DLGAP2: variants seen among roughly 807,000 people sequenced by gnomAD.
DLGAP2 encodes DLG associated protein 2, also known as disks large-associated protein 2.
Under a neutral mutation model 100.3 loss-of-function variants are expected in DLGAP2, and 26 were observed. The observed-to-expected ratio is 0.26, with a 90% CI of 0.19 to 0.36. The LOEUF (loss-of-function observed/expected upper bound fraction) is 0.36, where lower values mean the gene tolerates loss of function less well. DLGAP2 is among the 10% of genes least tolerant of loss of function. The pLI, the probability that DLGAP2 is intolerant of heterozygous loss-of-function variation, is 1.00. For missense variants in DLGAP2, 1,858 were observed against 1,453.2 expected, an observed-to-expected ratio of 1.28 and a Z score of -4.53; for synonymous variants, 886 against 630.1, an observed-to-expected ratio of 1.41 and a Z score of -6.08.
intron 2 of DLGAP2, chr8:1,019,267 T>C (rs936823949): frequency 6.6e-6 from 1 of 152,036 alleles, no homozygotes; most frequent in African/African-American, 2.4e-5. Context: ...TCTGCACCTC[T>C]TACTGTTGGG....
At chr8:1,147,007 C>T (rs886211262) in intron 2 of DLGAP2, among the ~76,000 whole-genome samples, 2 of 151,962 alleles carry the variant, frequency 1.3e-5, no homozygotes, top group African/African-American at 4.8e-5. Flanking sequence ...TTAAAATCTG[C>T]CTCTCAGTTT....
chr8:1,336,037 G>A (rs1259957708), intron 3 of DLGAP2, among the ~76,000 whole-genome samples: 1 of 152,232 alleles, frequency 6.6e-6, no homozygotes, highest in African/African-American at 2.4e-5. Context: ...AACTCTGAGC[G>A]GTGCTGGGCG....
At chr8:1,086,761 A>T (rs1428936601) in intron 2 of DLGAP2, among the ~76,000 whole-genome samples, 1 of 152,238 alleles carries the variant, frequency 6.6e-6, no homozygotes, top group African/African-American at 2.4e-5. Context: ...TATATAAAGT[A>T]AATGTGAAAA....
At chr8:831,483 G>C (rs1796782512) in intron 1 of DLGAP2, among the ~76,000 whole-genome samples, 2 of 152,034 alleles carry the variant, frequency 1.3e-5, no homozygotes, top group South Asian at 4.1e-4. Context: ...TTCTGTCCTT[G>C]TGATAGTTTG....
intron 4 of DLGAP2, among the ~76,000 whole-genome samples, chr8:1,534,329 G>C (rs1801082282): frequency 6.6e-6 from 1 of 152,156 alleles, no homozygotes; most frequent in South Asian, 2.1e-4. Context: ...AATGAGATTA[G>C]GTTTACAACT....
At chr8:868,672 TGAA>T (rs1273840638) in intron 1 of DLGAP2, among the ~76,000 whole-genome samples, 1 of 152,212 alleles carries the variant, frequency 6.6e-6, no homozygotes, top group East Asian at 1.9e-4. Flanking sequence ...CGCGGCACCT[TGAA>T]GAAGGTGCTG....
chr8:1,351,678 G>A lies in DLGAP2; in HGVS notation c.106+92795G>A, dbSNP rs571057369. Among the ~76,000 whole-genome samples the A allele has an allele frequency of 4.1e-5, 3 of 72,300 alleles. 1 individual carries two copies. The highest frequency in any genetic ancestry group is 3.1e-4 in the Admixed American group (2 of 6,490). The allele number at this position is 72,300 out of a possible 152,430, so 47.4% of individuals were successfully genotyped here. On this transcript the variant is annotated intron_variant, in intron 3 of 14. Coordinates refer to ENST00000637795, the MANE Select transcript of DLGAP2 (RefSeq NM_001346810.2). The stretch of plus-strand genomic sequence containing the variant: ...TGCGGGTCCTGACTGTGTGTGGAAC[G>A]GCCGTGTGGGTCCTGACTGTGCGTG...
chr8:1,080,193 A>C (rs1322584926), intron 2 of DLGAP2, among the ~76,000 whole-genome samples: 2 of 151,976 alleles, frequency 1.3e-5, no homozygotes, highest in East Asian at 3.9e-4. Context: ...TTGCATTTTT[A>C]TTTTCCACAA....
chr8:1,377,628 G>C (rs1019085949), intron 3 of DLGAP2, among the ~76,000 whole-genome samples: 1 of 152,216 alleles, frequency 6.6e-6, no homozygotes, highest in Non-Finnish European at 1.5e-5. Flanking sequence ...ACATACCCCA[G>C]CCTGTCAGAA....
chr8:1,501,578 T>A, intron 4 of DLGAP2, 147 bp downstream of exon 4: 1 of 801,534 alleles, frequency 1.2e-6, no homozygotes, highest in South Asian at 1.9e-5. Context: ...AATGCGGCAC[T>A]TTTTTCCAAA....
At chr8:1,298,687 C>G (rs1265873485) in intron 3 of DLGAP2, among the ~76,000 whole-genome samples, 1 of 152,102 alleles carries the variant, frequency 6.6e-6, no homozygotes, top group Non-Finnish European at 1.5e-5. Flanking sequence ...GCCGAGGGCC[C>G]CAGGACAAGC....
chr8:1,230,179 A>T (rs935071955), intron 2 of DLGAP2, among the ~76,000 whole-genome samples: 2 of 152,168 alleles, frequency 1.3e-5, no homozygotes, highest in African/African-American at 2.4e-5. Context: ...CAGCATACAA[A>T]ATCAATGTAC....
chr8:964,475 C>T (rs1799799495), intron 2 of DLGAP2, among the ~76,000 whole-genome samples: 2 of 152,250 alleles, frequency 1.3e-5, no homozygotes, highest in South Asian at 4.1e-4. Flanking sequence ...TATCGTAAGT[C>T]AAGAACAATT....
In DLGAP2 at chr8:1,668,754, A is replaced by G. The variant is rs940482170; in HGVS notation, c.2160+76A>G. ...ATAGCCTAGAATAAGCCAAAACCCAACCAGCGGCCCTGGGTCCTTAGCACT... is the reference window on the plus strand; with the variant it reads ...ATAGCCTAGAATAAGCCAAAACCCAGCCAGCGGCCCTGGGTCCTTAGCACT... On this transcript the variant is annotated intron_variant, in intron 9 of 14. Transcript: ENST00000637795. The G allele has an allele frequency of 1.1e-5, 14 of 1,295,510 alleles. 1 individual carries two copies. The highest frequency in any genetic ancestry group is 1.0e-4 in the African/African-American group (7 of 66,730). The allele number at this position is 1,295,510 out of a possible 1,614,324, so 80.3% of individuals were successfully genotyped here. A position where few individuals can be genotyped will look rare whatever the true frequency, so the allele number is the denominator to read the frequency against.
At chr8:802,738 C>T (rs1178488255) in intron 1 of DLGAP2, among the ~76,000 whole-genome samples, 1 of 152,160 alleles carries the variant, frequency 6.6e-6, no homozygotes, top group Non-Finnish European at 1.5e-5. Context: ...AGGCCGTGGT[C>T]TCTCAGACGG....
intron 3 of DLGAP2, among the ~76,000 whole-genome samples, chr8:1,410,831 CA>C (rs1236314619): frequency 2.3e-4 from 31 of 133,728 alleles, no homozygotes; most frequent in East Asian, 2.0e-3. Flanking sequence ...ACTCTGGAGC[CA>C]TTTTTTTTTT....
chr8:1,249,485 G>C (rs1388193618), intron 2 of DLGAP2, among the ~76,000 whole-genome samples: 1 of 152,114 alleles, frequency 6.6e-6, no homozygotes, highest in Non-Finnish European at 1.5e-5. Context: ...AAAAAGCTAG[G>C]AAAGAGATTG....
intron 2 of DLGAP2, among the ~76,000 whole-genome samples, chr8:1,147,244 A>C (rs1233271662): frequency 6.6e-6 from 1 of 152,102 alleles, no homozygotes; most frequent in East Asian, 1.9e-4. Context: ...TGCTATTGTA[A>C]ACTTTATGTG....
intron 2 of DLGAP2, among the ~76,000 whole-genome samples, chr8:1,045,824 T>C (rs974390734): frequency 6.6e-6 from 1 of 152,186 alleles, no homozygotes; most frequent in Non-Finnish European, 1.5e-5. Flanking sequence ...TAAGCAGGAA[T>C]GTGCATTTCT....
Sources: allele counts gnomAD v4.1 joint callset (sites outside exome capture counted in the v4.1 genomes callset), GRCh38; gene constraint gnomAD v4.1.1; transcripts MANE v1.5; gene names NCBI Gene and HGNC (gene_info 2026-07-23, HGNC 2026-07-21).